Variants in ST3GAL3 observed in about 807,000 individuals in gnomAD.
The protein encoded by ST3GAL3 is CMP-N-acetylneuraminate-beta-1,4-galactoside alpha-2,3-sialyltransferase.
In ST3GAL3, 21 loss-of-function variants were observed where a neutral mutation model predicts 50.1. The ratio of observed to expected loss-of-function variants is 0.42; its 90% CI spans 0.30 to 0.60. The LOEUF is 0.60. Among genes scored for constraint, ST3GAL3 ranks in the 20% least tolerant of loss-of-function variants. The pLI is 0.19. For synonymous variants in ST3GAL3, 183 were observed against 190.0 expected, an observed-to-expected ratio of 0.96 and a Z score of 0.30; for missense variants, 353 against 489.4, an observed-to-expected ratio of 0.72 and a Z score of 2.63.
At chr1:43,858,794 C>T (rs2069150485) in intron 5 of ST3GAL3, among the ~76,000 whole-genome samples, 1 of 152,238 alleles carries the variant, frequency 6.6e-6, no homozygotes, top group Admixed American at 6.5e-5. Context: ...AGGTCACTCT[C>T]TGACTGGTCT....
intron 2 of ST3GAL3, among the ~76,000 whole-genome samples, chr1:43,776,954 A>G (rs1697481484): frequency 6.6e-6 from 1 of 152,184 alleles, no homozygotes; most frequent in Non-Finnish European, 1.5e-5. Flanking sequence ...GTATGGTACC[A>G]TGCTCTTTTA....
intron 4 of ST3GAL3, among the ~76,000 whole-genome samples, chr1:43,823,324 T>C (rs1475509352): frequency 6.6e-6 from 1 of 152,184 alleles, no homozygotes; most frequent in Non-Finnish European, 1.5e-5. Flanking sequence ...CACACCTTCG[T>C]TTCTTGTTGC....
At chr1:43,805,631 A>G (rs915862692) in intron 3 of ST3GAL3, among the ~76,000 whole-genome samples, 2 of 152,204 alleles carry the variant, frequency 1.3e-5, no homozygotes, top group Non-Finnish European at 2.9e-5. Flanking sequence ...AGCAGAGGAG[A>G]GGCGTCTGTC....
At chr1:43,852,566 A>G (rs1168399799) in intron 5 of ST3GAL3, among the ~76,000 whole-genome samples, 1 of 152,218 alleles carries the variant, frequency 6.6e-6, no homozygotes, top group Non-Finnish European at 1.5e-5. Context: ...CACAGTAGAC[A>G]CTTGGTATTG....
intron 9 of ST3GAL3, among the ~76,000 whole-genome samples, chr1:43,918,595 C>CAT (rs534383104): frequency 0.012 from 1,766 of 150,292 alleles, 38 homozygotes; most frequent in South Asian, 0.082. Context: ...GGTTTTGAAT[C>CAT]ATATATATAT....
chr1:43,750,474 GCTAGATTAGATAT>G (rs201498794), intron 2 of ST3GAL3, among the ~76,000 whole-genome samples: 1,876 of 152,214 alleles, frequency 0.012, 42 homozygotes, highest in African/African-American at 0.043. Flanking sequence ...ATAAATTTCA[GCTAGATTAGATAT>G]TTAATTATAA....
At chr1:43,885,535 G>A (rs72888756) in intron 5 of ST3GAL3, among the ~76,000 whole-genome samples, 3,522 of 152,086 alleles carry the variant, frequency 0.023, 146 homozygotes, top group African/African-American at 0.081. Context: ...CAGGTCAGGC[G>A]TCCCACACCC....
chr1:43,920,914 G>A lies in ST3GAL3; in HGVS notation c.1024G>A (p.Ala342Thr). The change falls in exon 11 of 12, where the codon GCA (alanine) becomes ACA (threonine). Residue 342 changes from alanine (A) to threonine (T), a missense_variant. Physicochemically the swap from Ala to Thr is moderately conservative, Grantham distance 58 (BLOSUM62 0). Coordinates refer to ENST00000347631, the MANE Select transcript of ST3GAL3 (RefSeq NM_006279.5). ...GCACTACTATGAGACCGTTCGCATG[G>A]CAGCCATCAAAGAGGTTCGGGGCTG... ...PLHYYETVRM[A>T]AIKESWTHNI... 14 of 1,613,034 alleles carry A rather than the reference G, an allele frequency of 8.7e-6. No homozygotes were observed. Among genetic ancestry groups the A allele is most frequent in the Non-Finnish European group, 1.1e-5 (13 of 1,179,516 alleles).
At chr1:43,779,866 C>T (rs1324387508) in intron 2 of ST3GAL3, among the ~76,000 whole-genome samples, 2 of 152,170 alleles carry the variant, frequency 1.3e-5, no homozygotes, top group Non-Finnish European at 2.9e-5. Context: ...CTAAACTCTT[C>T]CCCAGTTGTA....
chr1:43,709,995 A>G (rs1663797252), intron 1 of ST3GAL3, among the ~76,000 whole-genome samples: 1 of 151,928 alleles, frequency 6.6e-6, no homozygotes. Context: ...CGGCACCTCA[A>G]GTTTATTCTT....
At chr1:43,808,983 A>G (rs910006611) in intron 3 of ST3GAL3, among the ~76,000 whole-genome samples, 2 of 152,226 alleles carry the variant, frequency 1.3e-5, no homozygotes, top group African/African-American at 4.8e-5. Flanking sequence ...CTAGCCTTTA[A>G]AGGATCAAAC....
intron 2 of ST3GAL3, among the ~76,000 whole-genome samples, chr1:43,757,274 T>G (rs1452684980): frequency 6.6e-6 from 1 of 152,182 alleles, no homozygotes; most frequent in Non-Finnish European, 1.5e-5. Context: ...TTTTTGTCTT[T>G]AAAAAATTTT....
chr1:43,755,739 TAGAA>T (rs1687793589), intron 2 of ST3GAL3, among the ~76,000 whole-genome samples: 1 of 152,034 alleles, frequency 6.6e-6, no homozygotes, highest in Admixed American at 6.6e-5. Context: ...TTAGGTAAAT[TAGAA>T]AGATACAGAC....
intron 1 of ST3GAL3, among the ~76,000 whole-genome samples, chr1:43,734,267 TTTTC>T (rs1298742110): frequency 2.6e-5 from 4 of 151,546 alleles, no homozygotes; most frequent in East Asian, 1.9e-4. Context: ...TTATGTTTTC[TTTTC>T]TTTCTTCTCT....
intron 4 of ST3GAL3, chr1:43,824,671 T>C: frequency 6.2e-7 from 1 of 1,611,984 alleles, no homozygotes; most frequent in East Asian, 2.2e-5. Flanking sequence ...TCAAAGACTT[T>C]CTCCTAGACA....
chr1:43,898,049 C>G (rs905715588), intron 6 of ST3GAL3, among the ~76,000 whole-genome samples, 186 bp from the exon 7 acceptor site: 1 of 152,184 alleles, frequency 6.6e-6, no homozygotes, highest in African/African-American at 2.4e-5. Context: ...CTGTTTCCTG[C>G]CATCACCTCC....
intron 2 of ST3GAL3, among the ~76,000 whole-genome samples, chr1:43,754,177 G>A (rs568973076): frequency 1.3e-5 from 2 of 152,286 alleles, no homozygotes; most frequent in South Asian, 4.1e-4. Flanking sequence ...CAAAACTCAT[G>A]TATAATAGGA....
chr1:43,708,483 A>T (rs1423872129), intron 1 of ST3GAL3, among the ~76,000 whole-genome samples: 1 of 152,200 alleles, frequency 6.6e-6, no homozygotes, highest in Non-Finnish European at 1.5e-5. Flanking sequence ...GCTGGACATT[A>T]AGGTAGGAAA....
chr1:43,884,395 A>G (rs926161828), intron 5 of ST3GAL3, among the ~76,000 whole-genome samples: 23 of 152,218 alleles, frequency 1.5e-4, no homozygotes, highest in African/African-American at 5.5e-4. Context: ...AGCAAGGGGA[A>G]CGCAGCAAGA....
Sources: allele counts gnomAD v4.1 joint callset (sites outside exome capture counted in the v4.1 genomes callset), GRCh38; gene constraint gnomAD v4.1.1; transcripts MANE v1.5; gene names NCBI Gene and HGNC (gene_info 2026-07-23, HGNC 2026-07-21).